The following ZC3H12B variants were observed in gnomAD, a reference collection of about 807,000 sequenced individuals.
ZC3H12B encodes the protein zinc finger CCCH-type containing 12B, also known as probable ribonuclease ZC3H12B.
In ZC3H12B, 7 loss-of-function variants were observed where a neutral mutation model predicts 43.9. The observed-to-expected ratio is 0.16, with a 90% CI of 0.09 to 0.30. The LOEUF (loss-of-function observed/expected upper bound fraction) is 0.30. Among genes scored for constraint, ZC3H12B ranks in the 10% least tolerant of loss-of-function variants. The pLI, the probability that ZC3H12B is intolerant of heterozygous loss-of-function variation, is 1.00. For synonymous variants in ZC3H12B, 222 were observed against 241.7 expected, an observed-to-expected ratio of 0.92 and a Z score of 0.76; for missense variants, 475 against 670.2, an observed-to-expected ratio of 0.71 and a Z score of 3.22.
intron 2 of ZC3H12B, among the ~76,000 whole-genome samples, chrX:65,383,717 T>A (rs1480027318): frequency 9.0e-6 from 1 of 111,076 alleles, no homozygotes; most frequent in Non-Finnish European, 1.9e-5. Context: ...GACAAAGGGC[T>A]AATATCCAGA....
chrX:65,194,118 C>T, the ZC3H12B span, among the ~76,000 whole-genome samples: 1 of 109,548 alleles, frequency 9.1e-6, no homozygotes, highest in East Asian at 2.9e-4. Context: ...CCCCAACCTC[C>T]AACACTGGGA....
At chrX:65,381,662 G>C (rs2066441920) in intron 2 of ZC3H12B, among the ~76,000 whole-genome samples, 1 of 111,919 alleles carries the variant, frequency 8.9e-6, no homozygotes. Context: ...AATGAATCCA[G>C]GAGCTGGTTT....
chrX:65,148,854 G>A, the ZC3H12B span, among the ~76,000 whole-genome samples: 2 of 111,755 alleles, frequency 1.8e-5, no homozygotes, highest in Non-Finnish European at 3.8e-5. Flanking sequence ...GTTACTCTGT[G>A]GGGATAAGCA....
At chrX:65,122,057 T>G in the ZC3H12B span, among the ~76,000 whole-genome samples, 7 of 111,176 alleles carry the variant, frequency 6.3e-5, no homozygotes, top group East Asian at 2.0e-3. Context: ...GAGGAGTGCT[T>G]TACTTCCAAC....
At chrX:65,492,255 C>T (rs961073853) in intron 1 of ZC3H12B, among the ~76,000 whole-genome samples, 11 of 112,002 alleles carry the variant, frequency 9.8e-5, no homozygotes, top group Middle Eastern at 4.6e-3. Flanking sequence ...TCTTCCTTCT[C>T]TTTGGACTTC....
upstream of ZC3H12B, among the ~76,000 whole-genome samples, chrX:65,361,755 T>A (rs746355755): frequency 3.6e-4 from 39 of 109,460 alleles, no homozygotes; most frequent in South Asian, 0.012. Flanking sequence ...TAAAAAAAGC[T>A]CCAAAAATTA....
chrX:65,319,257 C>T, the ZC3H12B span, among the ~76,000 whole-genome samples: 1 of 111,061 alleles, frequency 9.0e-6, no homozygotes, highest in Admixed American at 9.6e-5. Context: ...ACCACTGAAC[C>T]CACAAAAATA....
the ZC3H12B span, among the ~76,000 whole-genome samples, chrX:65,214,407 T>C: frequency 8.9e-6 from 1 of 111,998 alleles, no homozygotes; most frequent in Admixed American, 9.6e-5. Flanking sequence ...TTCTGTTGTA[T>C]AAATTTCTGT....
chrX:65,378,694 A>T (rs945601009), intron 2 of ZC3H12B, among the ~76,000 whole-genome samples: 6 of 112,282 alleles, frequency 5.3e-5, no homozygotes, highest in African/African-American at 1.9e-4. Flanking sequence ...CATCTGAGGT[A>T]CCAGGTTCAT....
chrX:65,116,673 G>C, the ZC3H12B span, among the ~76,000 whole-genome samples: 3 of 109,449 alleles, frequency 2.7e-5, no homozygotes, highest in South Asian at 7.9e-4. Flanking sequence ...CTGTTAACTC[G>C]TCATTTACAT....
intron 3 of ZC3H12B, among the ~76,000 whole-genome samples, chrX:65,462,895 A>G (rs1449362399): frequency 8.9e-6 from 1 of 112,679 alleles, no homozygotes; most frequent in African/African-American, 3.2e-5. Flanking sequence ...GATTGGATAT[A>G]GAAAATATGG....
chrX:65,264,492 C>G, the ZC3H12B span, among the ~76,000 whole-genome samples: 7 of 111,015 alleles, frequency 6.3e-5, no homozygotes, highest in Non-Finnish European at 1.3e-4. Flanking sequence ...CAGAATTGAC[C>G]CATATCTCAT....
At chrX:65,150,494 C>T in the ZC3H12B span, among the ~76,000 whole-genome samples, 1 of 109,696 alleles carries the variant, frequency 9.1e-6, no homozygotes, top group African/African-American at 3.3e-5. Context: ...TCCCTGCCCC[C>T]GACCCCCCAA....
the ZC3H12B span, among the ~76,000 whole-genome samples, chrX:65,179,863 TTGTC>T: frequency 3.3e-4 from 37 of 112,126 alleles, no homozygotes; most frequent in African/African-American, 7.1e-4. Context: ...GAGAAATTAA[TTGTC>T]TGTCCACCAA....
At chrX:65,155,257 C>A in the ZC3H12B span, among the ~76,000 whole-genome samples, 1 of 110,205 alleles carries the variant, frequency 9.1e-6, no homozygotes, top group Non-Finnish European at 1.9e-5. Context: ...TGAGTCTGGC[C>A]TGCTACTTTT....
At chrX:65,263,809 A>G in the ZC3H12B span, among the ~76,000 whole-genome samples, 1 of 111,230 alleles carries the variant, frequency 9.0e-6, no homozygotes, top group African/African-American at 3.3e-5. Flanking sequence ...TCTTACTACT[A>G]GCTATCTAAC....
the ZC3H12B span, among the ~76,000 whole-genome samples, chrX:65,119,966 G>A: frequency 1.8e-5 from 2 of 111,492 alleles, no homozygotes; most frequent in African/African-American, 6.5e-5. Flanking sequence ...TAGATAAGTG[G>A]CATTATTTCT....
At chrX:65,148,747 C>G in the ZC3H12B span, among the ~76,000 whole-genome samples, 1 of 111,766 alleles carries the variant, frequency 8.9e-6, no homozygotes, top group Non-Finnish European at 1.9e-5. Context: ...TGCATCTTTT[C>G]TTATTTCTGT....
chrX:65,425,961 A>C (rs967223725), intron 3 of ZC3H12B, among the ~76,000 whole-genome samples: 1 of 111,236 alleles, frequency 9.0e-6, no homozygotes, highest in Non-Finnish European at 1.9e-5. Flanking sequence ...TATCAGGATG[A>C]TGTTGACCTC....
Sources: allele counts gnomAD v4.1 joint callset (sites outside exome capture counted in the v4.1 genomes callset), GRCh38; gene constraint gnomAD v4.1.1; transcripts MANE v1.5; gene names NCBI Gene and HGNC (gene_info 2026-07-23, HGNC 2026-07-21).